TEX15: variants seen among roughly 807,000 people sequenced by gnomAD.
The protein encoded by TEX15 is testis-expressed protein 15.
Under a neutral mutation model 237.3 loss-of-function variants are expected in TEX15, and 171 were observed. The ratio of observed to expected loss-of-function variants is 0.72; its 90% confidence interval spans 0.64 to 0.82. The LOEUF is 0.82. TEX15 is among the 40% of genes least tolerant of loss of function. TEX15 has a pLI of 0.00. For missense variants in TEX15, 3,750 were observed against 3,646.5 expected (o/e 1.03, Z -0.73); for synonymous variants, 1,338 against 1,269.8 (o/e 1.05, Z -1.14).
intron 7 of TEX15, among the ~76,000 whole-genome samples, chr8:30,852,976 G>A (rs1241852902): frequency 6.6e-6 from 1 of 152,142 alleles, no homozygotes; most frequent in Non-Finnish European, 1.5e-5. Flanking sequence ...CATGTGACTA[G>A]TGGCTACTGT....
chr8:30,904,709 A>G (rs937518080), intron 1 of TEX15, among the ~76,000 whole-genome samples: 1 of 152,196 alleles, frequency 6.6e-6, no homozygotes, highest in East Asian at 1.9e-4. Flanking sequence ...CATCTTGCAT[A>G]TAAAATATTC....
In TEX15 at chr8:30,844,642, C is replaced by A; in HGVS notation, c.5525G>T (p.Arg1842Ile). ...CGCTTGTTTAACTTTCCACGTTATTCTGTCCTCAGTGTCTTTCTTCACAAT... is the reference window on the plus strand; with the variant it reads ...CGCTTGTTTAACTTTCCACGTTATTATGTCCTCAGTGTCTTTCTTCACAAT... ...TCIVKKDTED[R>I]ITWKVKQAEK... Residue 1842 changes from arginine (R) to isoleucine (I), a missense_variant, in exon 8 of 11, where the codon AGA becomes ATA. By Grantham distance (97) the Arg-to-Ile change is moderately conservative (BLOSUM62 -3). Coordinates refer to ENST00000643185, the MANE Select transcript of TEX15 (RefSeq NM_001350162.2). 1 of 1,613,350 alleles carries A rather than the reference C, an allele frequency of 6.2e-7. No individual in the cohort carries two copies. Among genetic ancestry groups the A allele is most frequent in the African/African-American group, 1.3e-5 (1 of 75,018 alleles).
At chr8:30,878,800 C>G (rs947424573) in intron 3 of TEX15, among the ~76,000 whole-genome samples, 2 of 152,194 alleles carry the variant, frequency 1.3e-5, no homozygotes. Context: ...GCTGGAACTA[C>G]AAGCACATGC....
At chr8:30,836,651 T>C (rs1338324793) in intron 10 of TEX15, 152 bp downstream of exon 10, 1 of 701,454 alleles carries the variant, frequency 1.4e-6, no homozygotes, top group Non-Finnish European at 2.3e-6. Flanking sequence ...CCACCCTCTC[T>C]GCCCAATCCA....
At chr8:30,881,269 T>C (rs1808514346) in intron 3 of TEX15, among the ~76,000 whole-genome samples, 1 of 152,180 alleles carries the variant, frequency 6.6e-6, no homozygotes, top group Admixed American at 6.5e-5. Context: ...TATTATTCTC[T>C]CAATTTCTAT....
intron 8 of TEX15, among the ~76,000 whole-genome samples, chr8:30,840,358 G>C (rs949895010): frequency 6.6e-6 from 1 of 152,040 alleles, no homozygotes; most frequent in African/African-American, 2.4e-5. Flanking sequence ...ACCACACCCA[G>C]CTGATATTTG....
intron 2 of TEX15, among the ~76,000 whole-genome samples, chr8:30,895,383 T>C (rs1808879747): frequency 2.7e-5 from 4 of 147,560 alleles, no homozygotes; most frequent in Non-Finnish European, 4.5e-5. Context: ...AGTTAAATAA[T>C]ACATTGCTTT....
chr8:30,840,281 C>T (rs1424774308), intron 8 of TEX15, among the ~76,000 whole-genome samples: 5 of 152,042 alleles, frequency 3.3e-5, no homozygotes, highest in Non-Finnish European at 5.9e-5. Context: ...CTGCAACCTC[C>T]GCCTACTGGG....
At chr8:30,834,702 G>A (rs1160131326) in intron 10 of TEX15, among the ~76,000 whole-genome samples, 2 of 152,194 alleles carry the variant, frequency 1.3e-5, no homozygotes, top group African/African-American at 4.8e-5. Context: ...AACGTGGCTT[G>A]AATGCAGAGG....
chr8:30,912,341 C>T (rs1809243868), intron 1 of TEX15, among the ~76,000 whole-genome samples: 2 of 9,316 alleles, frequency 2.1e-4, no homozygotes, highest in South Asian at 3.7e-3. Context: ...GGCTCCCGCC[C>T]CCTCCCCGCC....
At chr8:30,894,623 C>T (rs1220025780) in intron 2 of TEX15, among the ~76,000 whole-genome samples, 4 of 152,150 alleles carry the variant, frequency 2.6e-5, no homozygotes, top group Admixed American at 2.6e-4. Context: ...GCACAGTCTG[C>T]AACAAATAGT....
chr8:30,846,768 A>C lies in TEX15; in HGVS notation c.3399T>G (p.Ser1133Arg). The C allele has an allele frequency of 1.2e-6, 2 of 1,613,818 alleles. No individual in the cohort carries two copies. The highest frequency in any genetic ancestry group is 1.7e-6 in the Non-Finnish European group (2 of 1,179,762). Residue 1133 changes from serine (S) to arginine (R), a missense_variant, in exon 8 of 11, where the codon AGT becomes AGG. Physicochemically the swap from Ser to Arg is moderately radical, Grantham distance 110 (BLOSUM62 -1). Transcript: ENST00000643185. Reference sequence around the variant, plus strand: ...TTTGTGTAGAGGAATAAAAATAGTTACTTTCCTTAGAATAATGCTGATCAC... The same window carrying C: ...TTTGTGTAGAGGAATAAAAATAGTTCCTTTCCTTAGAATAATGCTGATCAC... ...ENSDQHYSKESNYFYSSTQNN... is the reference protein window; with the variant it reads ...ENSDQHYSKERNYFYSSTQNN...
intron 1 of TEX15, among the ~76,000 whole-genome samples, chr8:30,908,702 T>C (rs537606840): frequency 1.3e-5 from 2 of 152,374 alleles, no homozygotes; most frequent in East Asian, 3.9e-4. Context: ...CTACTTCAGT[T>C]CATAAAACTG....
chr8:30,867,198 G>A, intron 5 of TEX15, 67 bp downstream of exon 5: 1 of 635,300 alleles, frequency 1.6e-6, no homozygotes, highest in Non-Finnish European at 2.7e-6. Context: ...ATATCGAAAG[G>A]ATAATATGTT....
chr8:30,884,358 C>T (rs1366573378), intron 3 of TEX15, among the ~76,000 whole-genome samples: 1 of 152,142 alleles, frequency 6.6e-6, no homozygotes, highest in African/African-American at 2.4e-5. Flanking sequence ...AAGCATGAGT[C>T]AGAGAATATT....
intron 1 of TEX15, among the ~76,000 whole-genome samples, chr8:30,907,701 CATATAAATTAGATATAAAATTTAT>C (rs1170033262): frequency 1.1e-4 from 13 of 114,130 alleles, no homozygotes; most frequent in African/African-American, 3.7e-4. Flanking sequence ...ATATAAAATA[CATATAAATTAGATATAAAATTTAT>C]ATATAAATTA....
rs1347790583 is a variant in TEX15, at chr8:30,847,998, C to A, written c.2169G>T (p.Lys723Asn). 1 of 1,613,908 alleles carries A rather than the reference C, an allele frequency of 6.2e-7. No homozygotes were observed. Among genetic ancestry groups the A allele is most frequent in the Admixed American group, 1.7e-5 (1 of 60,010 alleles). Residue 723 changes from lysine to asparagine, a missense_variant, in exon 8 of 11, where the codon AAG (lysine) becomes AAT (asparagine). Lys to Asn is a moderately conservative substitution (Grantham distance 94, BLOSUM62 0). Coordinates refer to ENST00000643185, the MANE Select transcript of TEX15 (RefSeq NM_001350162.2). Reference protein sequence around the residue: ...ITPSFESLSQKHPQHSVEYEG... With the variant: ...ITPSFESLSQNHPQHSVEYEG... The stretch of plus-strand genomic sequence containing the variant: ...CATACTCCACAGAGTGCTGAGGATG[C>A]TTTTGTGACAGGCTCTCAAAACTTG...
Position 30,844,108 on chromosome 8 carries a change from G to A in TEX15, c.6059C>T (p.Thr2020Ile). The change falls in exon 8 of 11, where the codon ACT becomes ATT. Residue 2020 changes from threonine (T) to isoleucine (I), a missense_variant. Thr to Ile is a moderately conservative substitution (Grantham distance 89). Transcript: ENST00000643185. ...AGGGAGAATATTTAGACAAACCTTAGTTTCTTCCTGTAGAATCTGCAAAGA... is the reference window on the plus strand; with the variant it reads ...AGGGAGAATATTTAGACAAACCTTAATTTCTTCCTGTAGAATCTGCAAAGA... ...ASSLQILQEE[T>I]KVCLNILPLF... The A allele has an allele frequency of 6.2e-7, 1 of 1,613,116 alleles. No homozygotes were observed. Among genetic ancestry groups the A allele is most frequent in the Non-Finnish European group, 8.5e-7 (1 of 1,179,524 alleles).
intron 1 of TEX15, among the ~76,000 whole-genome samples, chr8:30,907,005 A>C (rs1476776079): frequency 6.6e-6 from 1 of 152,210 alleles, no homozygotes; most frequent in Non-Finnish European, 1.5e-5. Context: ...TTTATATAAA[A>C]CATACCATAC....
Sources: gnomAD v4.1 joint callset for allele counts (sites outside exome capture counted in the v4.1 genomes callset) on GRCh38, gnomAD v4.1.1 for gene constraint, MANE v1.5 for transcripts, NCBI Gene and HGNC (gene_info 2026-07-23, HGNC 2026-07-21) for gene names.